The following TAS2R1 variants were observed in gnomAD, a reference collection of about 807,000 sequenced individuals.
The protein encoded by TAS2R1 is taste 2 receptor member 1, also known as taste receptor type 2 member 1.
For missense variants in TAS2R1, 370 were observed against 353.4 expected, an observed-to-expected ratio of 1.05 and a Z score of -0.38; for synonymous variants, 141 against 134.2, an observed-to-expected ratio of 1.05 and a Z score of -0.35.
At chr5:9,711,969 T>C (rs1478050415) in intron 1 of TAS2R1, among the ~76,000 whole-genome samples, 3 of 140,632 alleles carry the variant, frequency 2.1e-5, no homozygotes, top group African/African-American at 5.4e-5. Flanking sequence ...CCCAGCCTTA[T>C]GTTCAACGTT....
At chr5:9,857,665 C>T in the TAS2R1 span, among the ~76,000 whole-genome samples, 1 of 152,146 alleles carries the variant, frequency 6.6e-6, no homozygotes, top group Admixed American at 6.5e-5. Context: ...TTTGGGTCAG[C>T]TACTAGAAGA....
intron 1 of TAS2R1, among the ~76,000 whole-genome samples, chr5:9,673,618 TATTTC>T (rs1740813277): frequency 6.6e-6 from 1 of 150,806 alleles, no homozygotes; most frequent in Admixed American, 6.6e-5. Context: ...TATTTTATTT[TATTTC>T]TTAGCCAATA....
chr5:9,752,503 G>A, the TAS2R1 span, among the ~76,000 whole-genome samples: 1 of 151,970 alleles, frequency 6.6e-6, no homozygotes. Context: ...CCCTCACATT[G>A]TTTTTATGCA....
the TAS2R1 span, among the ~76,000 whole-genome samples, chr5:9,773,003 A>G: frequency 6.6e-6 from 1 of 151,986 alleles, no homozygotes; most frequent in Admixed American, 6.6e-5. Flanking sequence ...GTCACCATGT[A>G]CCAATGTTAT....
the TAS2R1 span, among the ~76,000 whole-genome samples, chr5:9,768,129 G>A: frequency 9.2e-5 from 14 of 151,866 alleles, no homozygotes; most frequent in African/African-American, 2.7e-4. Flanking sequence ...CCATCCTTAC[G>A]TTCCCCACAC....
At chr5:9,705,310 A>G (rs1199746018) in intron 1 of TAS2R1, among the ~76,000 whole-genome samples, 4 of 152,184 alleles carry the variant, frequency 2.6e-5, no homozygotes. Context: ...ATGATCTTTA[A>G]TTTTTATACT....
the TAS2R1 span, among the ~76,000 whole-genome samples, chr5:9,790,270 A>T: frequency 1.3e-5 from 2 of 152,144 alleles, no homozygotes; most frequent in East Asian, 3.9e-4. Flanking sequence ...CACATTTTAT[A>T]CCCTGCCACT....
intron 2 of TAS2R1, among the ~76,000 whole-genome samples, chr5:9,636,491 TG>T (rs1266232225): frequency 6.6e-6 from 1 of 152,146 alleles, no homozygotes; most frequent in African/African-American, 2.4e-5. Flanking sequence ...ATTTTTTCTT[TG>T]TTGACTTTCT....
chr5:9,871,653 C>A, the TAS2R1 span, among the ~76,000 whole-genome samples: 2 of 152,094 alleles, frequency 1.3e-5, no homozygotes, highest in Non-Finnish European at 2.9e-5. Context: ...TCTCTTCATG[C>A]ATAAAAAGGT....
chr5:9,828,375 C>T, the TAS2R1 span, among the ~76,000 whole-genome samples: 2 of 152,178 alleles, frequency 1.3e-5, no homozygotes, highest in Admixed American at 6.5e-5. Flanking sequence ...ATCTGCCCGC[C>T]TCAGGCTCCC....
upstream of TAS2R1, among the ~76,000 whole-genome samples, chr5:9,632,848 T>C (rs1739893758): frequency 6.6e-6 from 1 of 152,088 alleles, no homozygotes; most frequent in South Asian, 2.1e-4. Flanking sequence ...TCAGGAGGTT[T>C]GGAGTCAAAT....
chr5:9,749,540 A>T, the TAS2R1 span, among the ~76,000 whole-genome samples: 1 of 152,202 alleles, frequency 6.6e-6, no homozygotes, highest in Non-Finnish European at 1.5e-5. Flanking sequence ...CTTATTGGAG[A>T]CTATAGGTTA....
the TAS2R1 span, among the ~76,000 whole-genome samples, chr5:9,870,474 C>T: frequency 1.3e-5 from 2 of 152,194 alleles, no homozygotes; most frequent in African/African-American, 2.4e-5. Context: ...TTAGCTGTCA[C>T]ATGGTATGTC....
chr5:9,820,924 C>A, the TAS2R1 span, among the ~76,000 whole-genome samples: 1 of 152,166 alleles, frequency 6.6e-6, no homozygotes, highest in African/African-American at 2.4e-5. Context: ...AGCTCTCCTG[C>A]CATCATCAGC....
At chr5:9,831,976 G>A in the TAS2R1 span, among the ~76,000 whole-genome samples, 1 of 152,198 alleles carries the variant, frequency 6.6e-6, no homozygotes, top group Admixed American at 6.5e-5. Context: ...AAAGGAGGCC[G>A]AGAGGAATGA....
At chr5:9,680,629 T>C (rs1052649553) in intron 1 of TAS2R1, among the ~76,000 whole-genome samples, 1 of 152,076 alleles carries the variant, frequency 6.6e-6, no homozygotes, top group African/African-American at 2.4e-5. Context: ...CATCAAAAAA[T>C]TCCCAATAAA....
chr5:9,887,387 TC>T, the TAS2R1 span, among the ~76,000 whole-genome samples: 4 of 152,274 alleles, frequency 2.6e-5, no homozygotes, highest in African/African-American at 9.6e-5. Flanking sequence ...ACATTTTAGC[TC>T]AACAAATTCC....
the TAS2R1 span, among the ~76,000 whole-genome samples, chr5:9,814,433 T>C: frequency 1.3e-5 from 2 of 152,200 alleles, no homozygotes; most frequent in Admixed American, 1.3e-4. Flanking sequence ...ACATGGTTAC[T>C]GTAGTGTTTT....
chr5:9,883,837 C>T, the TAS2R1 span: 1 of 152,124 alleles, frequency 6.6e-6, no homozygotes, highest in Non-Finnish European at 1.5e-5. Flanking sequence ...TACAAATTTA[C>T]AATACTATCC....
Sources: allele counts gnomAD v4.1 joint callset (sites outside exome capture counted in the v4.1 genomes callset), GRCh38; gene constraint gnomAD v4.1.1; transcripts MANE v1.5; gene names NCBI Gene and HGNC (gene_info 2026-07-23, HGNC 2026-07-21).